Variants in FGF14 observed in about 807,000 individuals in gnomAD.
The protein encoded by FGF14 is fibroblast growth factor homologous factor 4.
Under a neutral mutation model 25.5 loss-of-function variants are expected in FGF14, and 5 were observed. The ratio of observed to expected loss-of-function variants is 0.20; its 90% CI spans 0.10 to 0.41. The LOEUF is 0.41. FGF14 is among the 10% of genes least tolerant of loss of function. FGF14 has a pLI of 1.00. For synonymous variants in FGF14, 138 were observed against 118.3 expected, an observed-to-expected ratio of 1.17 and a Z score of -1.08; for missense variants, 222 against 320.1, an observed-to-expected ratio of 0.69 and a Z score of 2.34.
chr13:102,106,603 G>GAGAAAAAGAAAGAAAGAGA (rs2140305285), intron 1 of FGF14, among the ~76,000 whole-genome samples: 1 of 118,450 alleles, frequency 8.4e-6, no homozygotes, highest in Admixed American at 8.4e-5. Context: ...AGGGAGGGAG[G>GAGAAAAAGAAAGAAAGAGA]GAGAGAGAAA....
At chr13:101,770,041 C>G (rs1409574921) in intron 3 of FGF14, among the ~76,000 whole-genome samples, 1 of 152,092 alleles carries the variant, frequency 6.6e-6, no homozygotes, top group East Asian at 1.9e-4. Context: ...ACAGGAGAGA[C>G]TCTGCATGTG....
At chr13:101,883,239 G>C (rs726142) in intron 1 of FGF14, among the ~76,000 whole-genome samples, 6,948 of 152,182 alleles carry the variant, frequency 0.046, 442 homozygotes, top group African/African-American at 0.14. Context: ...GATGCCTCTT[G>C]ACCATTTTTA....
chr13:102,013,013 G>C (rs906268404), intron 1 of FGF14, among the ~76,000 whole-genome samples: 2 of 152,002 alleles, frequency 1.3e-5, no homozygotes, highest in Non-Finnish European at 2.9e-5. Context: ...AAAAAACATA[G>C]ATACTAACAC....
chr13:102,161,658 G>GTACCCC (rs1566765345), intron 1 of FGF14, among the ~76,000 whole-genome samples: 1,552 of 20,516 alleles, frequency 0.076, 147 homozygotes, highest in East Asian at 0.28. Context: ...AGAAGAAGAA[G>GTACCCC]AAGAAGAAGA....
chr13:102,108,032 AATT>A (rs756477580), intron 1 of FGF14, among the ~76,000 whole-genome samples: 7 of 152,218 alleles, frequency 4.6e-5, no homozygotes, highest in Non-Finnish European at 4.4e-5. Flanking sequence ...GACATTTATA[AATT>A]ATTTAGACTA....
intron 3 of FGF14, among the ~76,000 whole-genome samples, chr13:101,794,410 A>C (rs2040407315): frequency 6.6e-6 from 1 of 152,102 alleles, no homozygotes; most frequent in East Asian, 1.9e-4. Flanking sequence ...ATCAGAAGGG[A>C]CTGAGATAAA....
At position 102,149,336 on chromosome 13, in the gene FGF14, G is replaced by A. The variant is rs556147274; in HGVS notation, c.208+252135C>T. On this transcript the variant is annotated intron_variant, in intron 1 of 4. Coordinates refer to the FGF14 transcript ENST00000376131. ...ACAGGTGTTACTTAAAAAAAGAAAG[G>A]TTAAGTAAGTTTAAGGAAGGATAAG... Among the ~76,000 whole-genome samples, 48 of 152,184 alleles carry A rather than the reference G, an allele frequency of 3.2e-4. No individual in the cohort carries two copies. The South Asian group carries it at 7.7e-3, about 24-fold the overall frequency.
intron 1 of FGF14, among the ~76,000 whole-genome samples, chr13:102,371,917 T>C (rs1021174645): frequency 4.6e-5 from 7 of 152,194 alleles, no homozygotes; most frequent in African/African-American, 1.4e-4. Flanking sequence ...AAAAAGGATA[T>C]ACTTATACTA....
intron 1 of FGF14, among the ~76,000 whole-genome samples, chr13:101,877,041 C>T (rs1417108458): frequency 6.6e-6 from 1 of 151,954 alleles, no homozygotes; most frequent in Non-Finnish European, 1.5e-5. Context: ...TTCTGTAAAA[C>T]TTTTATGTTC....
intron 3 of FGF14, among the ~76,000 whole-genome samples, chr13:101,851,939 A>G (rs901937959): frequency 4.6e-5 from 7 of 152,066 alleles, no homozygotes; most frequent in Admixed American, 2.6e-4. Flanking sequence ...GTAGCCTCCT[A>G]TGGTCACACA....
chr13:102,252,156 C>T (rs1285321692), intron 1 of FGF14, among the ~76,000 whole-genome samples: 1 of 152,168 alleles, frequency 6.6e-6, no homozygotes, highest in Non-Finnish European at 1.5e-5. Context: ...AAATGAGCCA[C>T]TTGCGAAATG....
At chr13:102,295,196 T>C (rs2054637120) in intron 1 of FGF14, among the ~76,000 whole-genome samples, 1 of 152,158 alleles carries the variant, frequency 6.6e-6, no homozygotes. Flanking sequence ...CAGTTAGTTA[T>C]ACTTCTTATC....
chr13:102,386,756 C>T (rs150825390), intron 1 of FGF14, among the ~76,000 whole-genome samples: 1 of 152,218 alleles, frequency 6.6e-6, no homozygotes, highest in African/African-American at 2.4e-5. Context: ...TTCGTGACTC[C>T]GAAGTGGCAC....
chr13:102,057,298 G>A (rs1043646194), intron 1 of FGF14, among the ~76,000 whole-genome samples: 2 of 152,058 alleles, frequency 1.3e-5, no homozygotes, highest in African/African-American at 4.8e-5. Flanking sequence ...ATAGTTTAAT[G>A]AATATTTTAC....
chr13:101,967,056 T>C (rs551832104), intron 1 of FGF14, among the ~76,000 whole-genome samples: 1 of 152,214 alleles, frequency 6.6e-6, no homozygotes, highest in East Asian at 1.9e-4. Context: ...TTTGTTCAGC[T>C]CTTTGAAAAA....
chr13:102,136,413 T>A (rs567643455), intron 1 of FGF14, among the ~76,000 whole-genome samples: 1 of 152,278 alleles, frequency 6.6e-6, no homozygotes, highest in South Asian at 2.1e-4. Context: ...CCGACTGGAC[T>A]CAGGTAGTCT....
chr13:101,982,411 T>C (rs1283698804), intron 1 of FGF14, among the ~76,000 whole-genome samples: 2 of 152,202 alleles, frequency 1.3e-5, no homozygotes, highest in Non-Finnish European at 2.9e-5. Flanking sequence ...GTCTTTAAAA[T>C]GCTGCAGAGT....
chr13:102,362,187 G>A (rs1003985307), intron 1 of FGF14, among the ~76,000 whole-genome samples: 14 of 152,134 alleles, frequency 9.2e-5, no homozygotes, highest in Middle Eastern at 3.4e-3. Context: ...GGGTTTAACC[G>A]TTTCATCTCC....
intron 1 of FGF14, among the ~76,000 whole-genome samples, chr13:102,275,244 C>T (rs1415770562): frequency 1.0e-5 from 1 of 97,442 alleles, no homozygotes; most frequent in Admixed American, 1.1e-4. Flanking sequence ...TTCTCTCTCT[C>T]TCTCTCTCTC....
Sources: allele counts gnomAD v4.1 joint callset (sites outside exome capture counted in the v4.1 genomes callset), GRCh38; gene constraint gnomAD v4.1.1; transcripts MANE v1.5; gene names NCBI Gene and HGNC (gene_info 2026-07-23, HGNC 2026-07-21).